Variants in PCDH15 observed in about 807,000 individuals in gnomAD.
The protein encoded by PCDH15 is protocadherin-15.
In PCDH15, 129 loss-of-function variants were observed where a neutral mutation model predicts 178.5. The ratio of observed to expected loss-of-function variants is 0.72; its 90% CI spans 0.63 to 0.84. PCDH15 has a LOEUF of 0.84. Among genes scored for constraint, PCDH15 ranks in the 40% least tolerant of loss-of-function variants. The probability of loss-of-function intolerance (pLI) is 0.00; values close to 1 mark genes in which losing one functional copy is unlikely to be tolerated. For missense variants in PCDH15, 2,230 were observed against 2,099.9 expected (o/e 1.06, Z -1.21); for synonymous variants, 800 against 732.0 (o/e 1.09, Z -1.50).
rs57184119 is a variant in PCDH15, at chr10:53,984,122, C to CTT, written c.2868+11525_2868+11526dup. Among the ~76,000 whole-genome samples, 807 of 112,654 alleles carry CTT rather than the reference C, an allele frequency of 7.2e-3. 14 individuals are homozygous for CTT. Among genetic ancestry groups the CTT allele is most frequent in the African/African-American group, 0.022 (609 of 28,034 alleles). The allele number at this position is 112,654 out of a possible 152,430, so 73.9% of individuals were successfully genotyped here. On this transcript the variant is annotated intron_variant, in intron 21 of 37. Transcript: ENST00000644397. ...ACCCTAAACATTTCTAAGTGCTTTTCTTTTTTTTTTTTTCTTTTTTCTTTT... is the reference window on the plus strand; with the variant it reads ...ACCCTAAACATTTCTAAGTGCTTTTCTTTTTTTTTTTTTTTCTTTTTTCTTTT...
intron 2 of PCDH15, among the ~76,000 whole-genome samples, chr10:55,608,339 A>G (rs773036785): frequency 2.9e-4 from 44 of 151,232 alleles, no homozygotes; most frequent in Non-Finnish European, 4.7e-4. Flanking sequence ...GAGGAGAGAT[A>G]ATAAAATACA....
intron 1 of PCDH15, among the ~76,000 whole-genome samples, chr10:55,289,825 G>A (rs538707250): frequency 6.6e-6 from 1 of 152,176 alleles, no homozygotes; most frequent in South Asian, 2.1e-4. Context: ...TCTTGTGAAT[G>A]GATTAATATC....
chr10:54,329,125 A>C (rs781628836), intron 7 of PCDH15, among the ~76,000 whole-genome samples: 1 of 151,930 alleles, frequency 6.6e-6, no homozygotes, highest in Non-Finnish European at 1.5e-5. Flanking sequence ...AATGATAGCC[A>C]TGAGGAAGAA....
chr10:54,641,055 G>A, intron 2 of PCDH15: 1 of 267,708 alleles, frequency 3.7e-6, no homozygotes, highest in Non-Finnish European at 7.6e-6. Context: ...GGTAAGCCGA[G>A]ATGGTGCCAC....
At chr10:54,779,120 A>G (rs1950004653) in intron 1 of PCDH15, among the ~76,000 whole-genome samples, 1 of 151,864 alleles carries the variant, frequency 6.6e-6, no homozygotes, top group Non-Finnish European at 1.5e-5. Flanking sequence ...AATAGGCCTC[A>G]CTCCACTTTT....
intron 1 of PCDH15, among the ~76,000 whole-genome samples, chr10:55,246,131 G>A (rs983778326): frequency 5.3e-5 from 8 of 152,166 alleles, no homozygotes; most frequent in African/African-American, 1.9e-4. Context: ...GCTATTCATG[G>A]TGACTTTCTT....
At chr10:54,939,232 C>T (rs571496884) in intron 2 of PCDH15, among the ~76,000 whole-genome samples, 3 of 151,850 alleles carry the variant, frequency 2.0e-5, no homozygotes, top group Admixed American at 1.3e-4. Context: ...TGGTGGCTCA[C>T]GCCCGTAATC....
At chr10:55,590,308 T>G (rs1842817814) in intron 2 of PCDH15, among the ~76,000 whole-genome samples, 1 of 90,438 alleles carries the variant, frequency 1.1e-5, no homozygotes, top group Non-Finnish European at 2.1e-5. Context: ...CTCTGGGGAC[T>G]GTTGTGGGGT....
At chr10:54,560,750 A>G (rs1049765817) in intron 2 of PCDH15, among the ~76,000 whole-genome samples, 9 of 152,094 alleles carry the variant, frequency 5.9e-5, no homozygotes, top group Admixed American at 1.3e-4. Flanking sequence ...TAGAAAGAAT[A>G]TGCCTTACAA....
rs149183741 is a variant in PCDH15 at position 54,229,961 on chromosome 10, A to T, written c.985+6862T>A. Among the ~76,000 whole-genome samples, 597 of 152,284 alleles carry T rather than the reference A, an allele frequency of 3.9e-3. 3 individuals are homozygous for T. Among genetic ancestry groups the T allele is most frequent in the African/African-American group, 0.014 (563 of 41,580 alleles). On this transcript the variant is annotated intron_variant, in intron 9 of 37. Coordinates refer to ENST00000644397, the MANE Select transcript of PCDH15 (RefSeq NM_001384140.1). ...TTTTTGTTTCCTAACAAGTAAAATA[A>T]TCTTTTTTTCCCCTCACCTTAAATC...
At position 54,845,116 on chromosome 10, in the gene PCDH15, T is replaced by TTTTTTCC. The variant is rs377305291; in HGVS notation, c.-29+52333_-29+52334insGGAAAAA. Among the ~76,000 whole-genome samples the TTTTTTCC allele has an allele frequency of 3.1e-3, 477 of 151,992 alleles. 1 individual carries two copies. Among genetic ancestry groups the TTTTTTCC allele is most frequent in the African/African-American group, 0.011 (451 of 41,558 alleles). ...CAAATCTTTTAGAAAAGGAAAAGCC[T>TTTTTTCC]TTTTTTCTTTTTTCTTTTTTCTTTT... On this transcript the variant is annotated intron_variant, in intron 3 of 5. Coordinates refer to the PCDH15 transcript ENST00000458638.
Position 54,586,131 on chromosome 10 carries a change from G to A in PCDH15, c.92-58254C>T, listed in dbSNP as rs759226268. Among the ~76,000 whole-genome samples the A allele has an allele frequency of 2.9e-4, 44 of 152,160 alleles. 1 individual carries two copies. The highest frequency in any genetic ancestry group is 6.0e-4 in the Non-Finnish European group (41 of 67,986). ...TCACCTCTGTAATATAATTTTCTTT[G>A]TAAAAAGATCAGTTATTGCTGTTCC... is the stretch of plus-strand genomic sequence containing the variant. On this transcript the variant is annotated intron_variant, in intron 2 of 37. Coordinates refer to ENST00000644397, the MANE Select transcript of PCDH15 (RefSeq NM_001384140.1).
chr10:54,920,209 G>A (rs936834688), intron 2 of PCDH15, among the ~76,000 whole-genome samples: 1 of 152,084 alleles, frequency 6.6e-6, no homozygotes, highest in Non-Finnish European at 1.5e-5. Context: ...GGTGGCTCAC[G>A]CCTGTAATCC....
intron 3 of PCDH15, among the ~76,000 whole-genome samples, chr10:54,456,707 C>G (rs1284612766): frequency 6.6e-6 from 1 of 152,020 alleles, no homozygotes; most frequent in African/African-American, 2.4e-5. Context: ...TTGGCTGTGT[C>G]CCCACCCAAA....
rs57135050 is a variant in PCDH15, at chr10:54,122,002, TACAC to T, written c.1917+10869_1917+10872del. Among the ~76,000 whole-genome samples the T allele has an allele frequency of 6.7e-3, 981 of 146,508 alleles. 4 individuals are homozygous for T. Among genetic ancestry groups the T allele is most frequent in the African/African-American group, 0.019 (741 of 39,510 alleles). ...AATATCTAAACCGGGCAAAGACACATACACACACACACACACACACACACACACA... is the reference window on the plus strand; with the variant it reads ...AATATCTAAACCGGGCAAAGACACATACACACACACACACACACACACACA... On this transcript the variant is annotated intron_variant, in intron 15 of 37. Transcript: ENST00000644397.
chr10:54,253,116 G>A (rs11004180), intron 8 of PCDH15, among the ~76,000 whole-genome samples: 3,136 of 152,070 alleles, frequency 0.021, 89 homozygotes, highest in African/African-American at 0.071. Context: ...TAGTAAATTC[G>A]ATTGAGGATT....
intron 1 of PCDH15, among the ~76,000 whole-genome samples, chr10:55,271,462 G>A (rs1423738707): frequency 1.3e-5 from 2 of 151,922 alleles, no homozygotes; most frequent in African/African-American, 4.8e-5. Context: ...AAGAGAAAGG[G>A]CTATGAGCAA....
At position 55,109,835 on chromosome 10, in the gene PCDH15, G is replaced by A. The variant is rs150284811; in HGVS notation, c.-80+56741C>T. ...AAGCAACAGATTGAGCTTTATTCTC[G>A]AAATTTATTATGACTTTTTCCAAAT... On this transcript the variant is annotated intron_variant, in intron 2 of 5. Coordinates refer to the PCDH15 transcript ENST00000458638. Among the ~76,000 whole-genome samples, 146 of 151,960 alleles carry A rather than the reference G, an allele frequency of 9.6e-4. 1 individual carries two copies. The East Asian group carries it at 0.011, about 12-fold the overall frequency.
chr10:55,345,128 A>AGT lies in PCDH15; in HGVS notation c.-155-178479_-155-178478dup, dbSNP rs201984363. ...TCTCTCAAATATACTATGTCCTAAA[A>AGT]GTGTGTGTGTGTGTCTCTCTCTCTC... On this transcript the variant is annotated intron_variant, in intron 2 of 5. Coordinates refer to the PCDH15 transcript ENST00000613346. 1.1e-3 allele frequency among the ~76,000 whole-genome samples: 164 copies of AGT among 150,262 alleles called. 1 individual carries two copies. The highest frequency in any genetic ancestry group is 3.1e-3 in the African/African-American group (126 of 40,342).
Sources: allele counts gnomAD v4.1 joint callset (sites outside exome capture counted in the v4.1 genomes callset), GRCh38; gene constraint gnomAD v4.1.1; transcripts MANE v1.5; gene names NCBI Gene and HGNC (gene_info 2026-07-23, HGNC 2026-07-21).